Variants in PLCL1 observed in about 807,000 individuals in gnomAD.
PLCL1 encodes the protein inactive phospholipase C-like protein 1.
In PLCL1, 41 loss-of-function variants were observed where a neutral mutation model predicts 84.4. That is an observed-to-expected ratio of 0.49 (90% CI 0.38 to 0.63). The LOEUF (loss-of-function observed/expected upper bound fraction) is 0.63, where lower values mean the gene tolerates loss of function less well. PLCL1 is among the 30% of genes least tolerant of loss of function. PLCL1 has a pLI of 0.00. For synonymous variants in PLCL1, 490 were observed against 488.3 expected, an observed-to-expected ratio of 1.00 and a Z score of -0.05; for missense variants, 1,206 against 1,367.8, an observed-to-expected ratio of 0.88 and a Z score of 1.87.
intron 5 of PLCL1, among the ~76,000 whole-genome samples, chr2:198,107,948 T>A (rs181889079): frequency 4.6e-5 from 7 of 151,974 alleles, no homozygotes; most frequent in Non-Finnish European, 1.0e-4. Flanking sequence ...CCCCAAGAGC[T>A]GGACAAATGA....
rs749755682 is a variant in PLCL1 at position 198,084,966 on chromosome 2, T to A, written c.1449T>A (p.Ser483=). ...TAAATAAATTTGCCTTTGTTGCTTC[T>A]GAATACCCACTCATTCTTTGCTTGG... is the stretch of plus-strand genomic sequence containing the variant. ...EVINKFAFVA[S]EYPLILCLGN... The change falls in exon 2 of 6, where the codon TCT becomes TCA. Residue 483 remains serine, a synonymous_variant. Transcript: ENST00000428675. The A allele has an allele frequency of 6.2e-7, 1 of 1,614,122 alleles. No homozygotes were observed. Among genetic ancestry groups the A allele is most frequent in the Non-Finnish European group, 8.5e-7 (1 of 1,179,996 alleles).
At chr2:197,874,648 G>T (rs1687704574) in intron 1 of PLCL1, among the ~76,000 whole-genome samples, 1 of 152,022 alleles carries the variant, frequency 6.6e-6, no homozygotes, top group Non-Finnish European at 1.5e-5. Context: ...TGATACACAG[G>T]TGTTTTAGAT....
intron 5 of PLCL1, among the ~76,000 whole-genome samples, chr2:198,126,818 G>A (rs1436904776): frequency 1.3e-5 from 2 of 151,998 alleles, no homozygotes; most frequent in East Asian, 1.9e-4. Context: ...GGAGAGAGTC[G>A]CTTGAGTCTT....
intron 3 of PLCL1, among the ~76,000 whole-genome samples, chr2:198,097,519 G>T (rs7595412): frequency 6.6e-6 from 1 of 152,146 alleles, no homozygotes; most frequent in African/African-American, 2.4e-5. Flanking sequence ...AAGGCTACTC[G>T]TCTGGATATT....
chr2:197,878,081 T>A (rs1687770265), intron 1 of PLCL1, among the ~76,000 whole-genome samples: 2 of 152,164 alleles, frequency 1.3e-5, no homozygotes, highest in Admixed American at 6.6e-5. Flanking sequence ...GAGGCTATAT[T>A]TCTGGGAATG....
chr2:198,093,978 C>T (rs905253879), intron 3 of PLCL1, among the ~76,000 whole-genome samples: 1 of 152,056 alleles, frequency 6.6e-6, no homozygotes, highest in Admixed American at 6.5e-5. Context: ...ATAAATAAAT[C>T]CCACTATTTA....
intron 1 of PLCL1, among the ~76,000 whole-genome samples, chr2:197,819,497 AAT>A (rs774112941): frequency 1.3e-5 from 2 of 152,094 alleles, no homozygotes; most frequent in Non-Finnish European, 2.9e-5. Context: ...TAGGGAAAAA[AAT>A]ATATGTTTAT....
intron 5 of PLCL1, among the ~76,000 whole-genome samples, chr2:198,121,177 A>G (rs1366932713): frequency 9.9e-5 from 15 of 151,946 alleles, no homozygotes; most frequent in Admixed American, 9.9e-4. Flanking sequence ...AGTTTTTCCT[A>G]CAGAATTGTT....
chr2:197,933,004 T>G (rs942321466), intron 1 of PLCL1, among the ~76,000 whole-genome samples: 1 of 152,202 alleles, frequency 6.6e-6, no homozygotes, highest in Non-Finnish European at 1.5e-5. Context: ...GTTTAAAGTA[T>G]CTACTCCTAG....
chr2:197,839,577 A>T (rs1037294081), intron 1 of PLCL1, among the ~76,000 whole-genome samples: 1 of 152,200 alleles, frequency 6.6e-6, no homozygotes, highest in Admixed American at 6.5e-5. Flanking sequence ...TGTGCCGTGC[A>T]GTTTCTGATG....
At chr2:198,124,717 G>A (rs1306191152) in intron 5 of PLCL1, among the ~76,000 whole-genome samples, 1 of 152,090 alleles carries the variant, frequency 6.6e-6, no homozygotes, top group African/African-American at 2.4e-5. Context: ...CATGATAGAA[G>A]CAGCTACTGC....
intron 1 of PLCL1, among the ~76,000 whole-genome samples, chr2:198,035,698 T>C (rs564064912): frequency 6.6e-6 from 1 of 152,286 alleles, no homozygotes; most frequent in African/African-American, 2.4e-5. Flanking sequence ...CTATGTAAAA[T>C]GGAAAGTTAG....
chr2:197,952,910 G>A (rs773849792), intron 1 of PLCL1, among the ~76,000 whole-genome samples: 1 of 152,036 alleles, frequency 6.6e-6, no homozygotes, highest in Non-Finnish European at 1.5e-5. Flanking sequence ...GGAACTGTGA[G>A]TTCATTAAAC....
chr2:198,123,165 C>T (rs916452653), intron 5 of PLCL1, among the ~76,000 whole-genome samples: 2 of 152,078 alleles, frequency 1.3e-5, no homozygotes, highest in African/African-American at 4.8e-5. Flanking sequence ...GATAGATGCT[C>T]ATCTTCAGTG....
At chr2:198,112,499 T>TATACTCCTTTCATATTCCTTCC (rs1242093162) in intron 5 of PLCL1, among the ~76,000 whole-genome samples, 1 of 151,894 alleles carries the variant, frequency 6.6e-6, no homozygotes, top group Admixed American at 6.6e-5. Flanking sequence ...TTACAAAGGC[T>TATACTCCTTTCATATTCCTTCC]ATACTCCTTT....
intron 5 of PLCL1, among the ~76,000 whole-genome samples, chr2:198,124,013 C>T (rs980999010): frequency 6.6e-6 from 1 of 152,074 alleles, no homozygotes; most frequent in Admixed American, 6.5e-5. Context: ...GCAGCCCTAG[C>T]AGACTAATAC....
intron 1 of PLCL1, among the ~76,000 whole-genome samples, chr2:197,897,273 G>C (rs751902331): frequency 6.9e-6 from 1 of 144,732 alleles, no homozygotes; most frequent in Non-Finnish European, 1.5e-5. Flanking sequence ...TGTTTAACTT[G>C]TTATATGTTG....
chr2:197,857,884 A>G (rs1687358835), intron 1 of PLCL1, among the ~76,000 whole-genome samples: 1 of 152,086 alleles, frequency 6.6e-6, no homozygotes, highest in African/African-American at 2.4e-5. Flanking sequence ...GGAAGTTGAC[A>G]TATGGTGAAA....
chr2:197,906,130 C>T (rs1182004258), intron 1 of PLCL1, among the ~76,000 whole-genome samples: 1 of 152,032 alleles, frequency 6.6e-6, no homozygotes, highest in East Asian at 1.9e-4. Context: ...TTAGTCATGA[C>T]GTCTTTCCCC....
Sources: gnomAD v4.1 joint callset for allele counts (sites outside exome capture counted in the v4.1 genomes callset) on GRCh38, gnomAD v4.1.1 for gene constraint, MANE v1.5 for transcripts, NCBI Gene and HGNC (gene_info 2026-07-23, HGNC 2026-07-21) for gene names.